LUC7L2: variants seen among roughly 807,000 people sequenced by gnomAD.
LUC7L2 encodes the protein putative RNA-binding protein Luc7-like 2.
LUC7L2 carries 25 observed loss-of-function variants against 52.8 expected under a neutral mutation model. That is an observed-to-expected ratio of 0.47 (90% CI 0.34 to 0.66). The LOEUF (loss-of-function observed/expected upper bound fraction) is 0.66, where lower values mean the gene tolerates loss of function less well. Ranked by LOEUF, LUC7L2 falls within the 30% of genes least tolerant of loss-of-function variation. The pLI is 0.01. For synonymous variants in LUC7L2, 144 were observed against 160.9 expected, an observed-to-expected ratio of 0.89 and a Z score of 0.80; for missense variants, 328 against 497.8, an observed-to-expected ratio of 0.66 and a Z score of 3.25.
At chr7:139,377,825 C>CTTTTT (rs11346680) in intron 2 of LUC7L2, among the ~76,000 whole-genome samples, 4 of 98,302 alleles carry the variant, frequency 4.1e-5, no homozygotes, top group Non-Finnish European at 7.6e-5. Context: ...CCGCGCCTGG[C>CTTTTT]TTTTTTTTTT....
intron 1 of LUC7L2, chr7:139,341,583 G>T: frequency 6.3e-7 from 1 of 1,582,192 alleles, no homozygotes; most frequent in Non-Finnish European, 8.6e-7. Context: ...CCGGGTCTGG[G>T]CTAGGGTGGG....
chr7:139,380,992 G>C (rs1270270754), intron 2 of LUC7L2, among the ~76,000 whole-genome samples: 2 of 152,172 alleles, frequency 1.3e-5, no homozygotes, highest in South Asian at 4.1e-4. Context: ...CTCATAGTAT[G>C]TGTGTTCAAA....
chr7:139,354,917 T>C (rs1026986057), upstream of LUC7L2, among the ~76,000 whole-genome samples: 3 of 151,828 alleles, frequency 2.0e-5, no homozygotes, highest in African/African-American at 7.3e-5. Flanking sequence ...AGTGCAGTAG[T>C]AAGGTCATGG....
intron 2 of LUC7L2, among the ~76,000 whole-genome samples, chr7:139,387,779 T>C (rs1794269162): frequency 6.6e-6 from 1 of 152,124 alleles, no homozygotes; most frequent in Non-Finnish European, 1.5e-5. Context: ...GGAGACAGAA[T>C]CTTGCTGTGT....
chr7:139,364,092 C>G (rs1409013910), intron 1 of LUC7L2, among the ~76,000 whole-genome samples: 3 of 144,626 alleles, frequency 2.1e-5, no homozygotes, highest in Non-Finnish European at 3.0e-5. Context: ...TCGAGTGATT[C>G]TCCTGCCTCA....
intron 7 of LUC7L2, among the ~76,000 whole-genome samples, chr7:139,411,792 A>G (rs1265848026): frequency 1.3e-5 from 2 of 152,242 alleles, no homozygotes; most frequent in African/African-American, 4.8e-5. Context: ...TAGAGATTAT[A>G]GTATGAGGTT....
intron 1 of LUC7L2, among the ~76,000 whole-genome samples, chr7:139,346,954 C>G (rs537091460): frequency 1.1e-4 from 17 of 152,338 alleles, no homozygotes; most frequent in Admixed American, 9.1e-4. Flanking sequence ...TTCTCCTCGT[C>G]TGTCTCCACT....
chr7:139,417,743 A>G lies in LUC7L2; in HGVS notation c.1001+14A>G. On this transcript the variant is annotated intron_variant, in intron 9 of 9. Transcript: ENST00000354926. The stretch of plus-strand genomic sequence containing the variant: ...ATCCAAGAGGAGGTATTGATGTGTC[A>G]ATCAGAGGATATGGAGCTACCTTAA... The G allele has an allele frequency of 6.2e-7, 1 of 1,610,126 alleles. No individual in the cohort carries two copies. Among genetic ancestry groups the G allele is most frequent in the Non-Finnish European group, 8.5e-7 (1 of 1,176,706 alleles).
chr7:139,421,847 T>C (rs1186162025), intron 9 of LUC7L2, among the ~76,000 whole-genome samples: 1 of 152,260 alleles, frequency 6.6e-6, no homozygotes, highest in Admixed American at 6.5e-5. Context: ...AAAGCTGTTA[T>C]CTATGTATTA....
chr7:139,365,413 T>C (rs755927181), intron 1 of LUC7L2, among the ~76,000 whole-genome samples: 7 of 152,198 alleles, frequency 4.6e-5, no homozygotes, highest in Non-Finnish European at 7.4e-5. Flanking sequence ...TATTTTCGTT[T>C]AGGTTGGATG....
chr7:139,400,626 T>C (rs1794869246), intron 3 of LUC7L2, among the ~76,000 whole-genome samples: 1 of 152,200 alleles, frequency 6.6e-6, no homozygotes, highest in Non-Finnish European at 1.5e-5. Flanking sequence ...TTTTATAGAC[T>C]TTTAAGTCCT....
intron 2 of LUC7L2, among the ~76,000 whole-genome samples, chr7:139,384,186 A>G: frequency 6.6e-6 from 1 of 152,312 alleles, no homozygotes; most frequent in East Asian, 1.9e-4. Flanking sequence ...TAAGGGTTTA[A>G]GTATTATTTA....
chr7:139,393,478 G>A (rs1342910811), intron 2 of LUC7L2, among the ~76,000 whole-genome samples: 1 of 151,970 alleles, frequency 6.6e-6, no homozygotes, highest in East Asian at 1.9e-4. Context: ...TTGTGACAGA[G>A]TCTTACTCTG....
intron 2 of LUC7L2, among the ~76,000 whole-genome samples, chr7:139,391,156 C>A (rs989353877): frequency 6.6e-6 from 1 of 152,178 alleles, no homozygotes; most frequent in African/African-American, 2.4e-5. Context: ...TTAATATATT[C>A]ATAGTCTTTG....
chr7:139,341,669 G>A (rs1798976260), intron 1 of LUC7L2: 6 of 1,353,460 alleles, frequency 4.4e-6, no homozygotes, highest in Non-Finnish European at 5.8e-6. Flanking sequence ...ACCAACCCAG[G>A]CCCTAGGCTC....
chr7:139,385,570 C>G (rs752073951), intron 2 of LUC7L2, among the ~76,000 whole-genome samples: 23 of 152,058 alleles, frequency 1.5e-4, no homozygotes, highest in Admixed American at 1.2e-3. Context: ...ATCCTCACAC[C>G]TGGGCCTCTC....
At chr7:139,380,473 G>T (rs1467212520) in intron 2 of LUC7L2, among the ~76,000 whole-genome samples, 1 of 151,456 alleles carries the variant, frequency 6.6e-6, no homozygotes, top group East Asian at 2.0e-4. Flanking sequence ...GGTGGCAGGT[G>T]CCTGTGATTC....
intron 8 of LUC7L2, among the ~76,000 whole-genome samples, chr7:139,414,379 C>T (rs1795497001): frequency 5.3e-5 from 8 of 152,172 alleles, no homozygotes; most frequent in Admixed American, 4.6e-4. Context: ...AAAAAAATTG[C>T]AAAGAAATCT....
In LUC7L2 at chr7:139,360,082, C is replaced by T. The variant is rs887966893; in HGVS notation, c.-180C>T. ...CTGTCGTCTTCCACGTACACGTCGT[C>T]GTGAGGAGCGCAGTCCGGACTCTTC... On this transcript the variant is annotated 5_prime_UTR_variant, in exon 1 of 10. Transcript: ENST00000354926. 7.1e-5 allele frequency: 40 copies of T among 560,148 alleles called. No individual in the cohort carries two copies. Among genetic ancestry groups the T allele is most frequent in the African/African-American group, 5.4e-4 (27 of 50,458 alleles). The allele number at this position is 560,148 out of a possible 1,614,324, so 34.7% of individuals were successfully genotyped here. A position where few individuals can be genotyped will look rare whatever the true frequency, so the allele number is the denominator to read the frequency against.
Sources: gnomAD v4.1 joint callset for allele counts (sites outside exome capture counted in the v4.1 genomes callset) on GRCh38, gnomAD v4.1.1 for gene constraint, MANE v1.5 for transcripts, NCBI Gene and HGNC (gene_info 2026-07-23, HGNC 2026-07-21) for gene names.